The following MCPH1 variants were observed in gnomAD, a reference collection of about 807,000 sequenced individuals.
MCPH1 encodes microcephalin.
In MCPH1, 104 loss-of-function variants were observed where a neutral mutation model predicts 84.5. The observed-to-expected ratio is 1.23, with a 90% CI of 1.05 to 1.45. The LOEUF (loss-of-function observed/expected upper bound fraction) is 1.45, where lower values mean the gene tolerates loss of function less well. MCPH1 is among the 40% of genes most tolerant of loss of function. The probability of loss-of-function intolerance (pLI) is 0.00; values close to 1 mark genes in which losing one functional copy is unlikely to be tolerated. For missense variants in MCPH1, 1,498 were observed against 1,005.7 expected (o/e 1.49, Z -6.62); for synonymous variants, 514 against 366.8 (o/e 1.40, Z -4.58).
intron 12 of MCPH1, among the ~76,000 whole-genome samples, chr8:6,604,472 G>A (rs1476127849): frequency 6.6e-6 from 1 of 152,214 alleles, no homozygotes; most frequent in African/African-American, 2.4e-5. Context: ...AGTGGAATGT[G>A]AGAGCACATG....
intron 12 of MCPH1, among the ~76,000 whole-genome samples, chr8:6,510,709 A>G (rs914194166): frequency 5.9e-5 from 9 of 152,230 alleles, no homozygotes; most frequent in Non-Finnish European, 1.2e-4. Flanking sequence ...CCGTGTTTCA[A>G]CACTGGTGCA....
chr8:6,467,652 G>C (rs778151420), intron 9 of MCPH1, among the ~76,000 whole-genome samples: 1 of 152,094 alleles, frequency 6.6e-6, no homozygotes, highest in East Asian at 1.9e-4. Context: ...CTGGAGTGCC[G>C]TGGCGAGATC....
At chr8:6,413,508 A>G (rs1297478937) in intron 2 of MCPH1, among the ~76,000 whole-genome samples, 1 of 151,276 alleles carries the variant, frequency 6.6e-6, no homozygotes, top group Non-Finnish European at 1.5e-5. Context: ...GTATTCCTGT[A>G]TTCTTTAACT....
chr8:6,590,204 AC>A (rs67409170), intron 12 of MCPH1, among the ~76,000 whole-genome samples: 56,909 of 142,578 alleles, frequency 0.4, 10,853 homozygotes, highest in South Asian at 0.51. Context: ...TAAGTGAACA[AC>A]AAAAAAAAAA....
At chr8:6,590,493 A>C (rs1214231070) in intron 12 of MCPH1, among the ~76,000 whole-genome samples, 1 of 152,148 alleles carries the variant, frequency 6.6e-6, no homozygotes, top group East Asian at 1.9e-4. Context: ...CTCATGTCAG[A>C]TGCCCCTCGG....
Position 6,466,644 on chromosome 8 carries a change from G to C in MCPH1, c.1936-10950G>C, listed in dbSNP as rs537392354. On this transcript the variant is annotated intron_variant, in intron 9 of 13. Coordinates refer to ENST00000344683, the MANE Select transcript of MCPH1 (RefSeq NM_024596.5). ...TTTAGTAGAGACAGGGTTTCACCGT[G>C]TTGGCCAGGATGGTCCGATCTCCTG... Among the ~76,000 whole-genome samples, 17 of 151,654 alleles carry C rather than the reference G, an allele frequency of 1.1e-4. No individual in the cohort carries two copies. In the East Asian group the frequency reaches 3.3e-3, roughly 30 times the overall value.
In MCPH1 at chr8:6,436,038, T is replaced by C; in HGVS notation, c.322-10T>C. ...AGTACAGCATTAATTTTTGTGTTCT[T>C]TTTGCACAGCGTAAATGTATGCAGC... On this transcript the variant is annotated splice_polypyrimidine_tract_variant and intron_variant, in intron 4 of 13. Transcript: ENST00000344683. 6.2e-7 allele frequency: 1 copy of C among 1,613,172 alleles called. No individual in the cohort carries two copies. Among genetic ancestry groups the C allele is most frequent in the Non-Finnish European group, 8.5e-7 (1 of 1,179,548 alleles).
At chr8:6,546,552 T>A (rs1465131724) in intron 12 of MCPH1, among the ~76,000 whole-genome samples, 1 of 152,116 alleles carries the variant, frequency 6.6e-6, no homozygotes, top group Non-Finnish European at 1.5e-5. Context: ...TTTTTAAAAC[T>A]CAATTTATAT....
chr8:6,469,933 G>A (rs965483347), intron 9 of MCPH1, among the ~76,000 whole-genome samples: 5 of 152,056 alleles, frequency 3.3e-5, no homozygotes, highest in African/African-American at 1.2e-4. Context: ...CTCACTGGTC[G>A]TTGGATTCTT....
intron 12 of MCPH1, among the ~76,000 whole-genome samples, chr8:6,573,811 G>A (rs1019142414): frequency 1.3e-5 from 2 of 152,030 alleles, no homozygotes; most frequent in African/African-American, 2.4e-5. Context: ...ACTAAAAGAG[G>A]GGAGCCCATC....
rs1021778687 is a variant in MCPH1 at position 6,536,815 on chromosome 8, A to G, written c.2214+36886A>G. Among the ~76,000 whole-genome samples, 6 of 152,108 alleles carry G rather than the reference A, an allele frequency of 3.9e-5. No individual in the cohort carries two copies. In the East Asian group the frequency reaches 1.2e-3, roughly 29 times the overall value. ...GACCTTGAAATTTCCCTGTCTCTTG[A>G]CCTTGATGAATTAGTTATTTTCTAG... On this transcript the variant is annotated intron_variant, in intron 12 of 13. Transcript: ENST00000344683.
chr8:6,568,233 G>GTGTGGA (rs1826364675), intron 12 of MCPH1, among the ~76,000 whole-genome samples: 1 of 148,502 alleles, frequency 6.7e-6, no homozygotes, highest in African/African-American at 2.6e-5. Flanking sequence ...AGTGGGTGGC[G>GTGTGGA]CGTGGACCCA....
chr8:6,468,725 G>C (rs150701483), intron 9 of MCPH1, among the ~76,000 whole-genome samples: 1 of 150,302 alleles, frequency 6.7e-6, no homozygotes, highest in African/African-American at 2.5e-5. Flanking sequence ...TACTGGTGCT[G>C]TATGGATCAC....
intron 3 of MCPH1, among the ~76,000 whole-genome samples, chr8:6,415,789 G>A (rs1799195275): frequency 6.6e-6 from 1 of 152,310 alleles, no homozygotes; most frequent in South Asian, 2.1e-4. Flanking sequence ...TGGCTGTCTT[G>A]ATTGGGTTCC....
intron 13 of MCPH1, chr8:6,626,464 T>TTTTTG (rs1399259836): frequency 2.0e-6 from 2 of 976,402 alleles, no homozygotes; most frequent in South Asian, 4.8e-5. Context: ...TTGTTTGGTT[T>TTTTTG]TTTTGTTTTG....
chr8:6,464,514 G>A (rs1806638061), intron 9 of MCPH1, among the ~76,000 whole-genome samples: 1 of 152,220 alleles, frequency 6.6e-6, no homozygotes, highest in Admixed American at 6.5e-5. Flanking sequence ...CATTGTAAAT[G>A]TGTGGTTCAG....
intron 13 of MCPH1, among the ~76,000 whole-genome samples, chr8:6,639,114 TC>T (rs1420781620): frequency 3.3e-5 from 5 of 152,126 alleles, no homozygotes; most frequent in Non-Finnish European, 5.9e-5. Flanking sequence ...GCAGCCTTTA[TC>T]CCCACCACGA....
intron 12 of MCPH1, among the ~76,000 whole-genome samples, chr8:6,550,052 T>C (rs1156334628): frequency 6.6e-6 from 1 of 152,196 alleles, no homozygotes; most frequent in East Asian, 1.9e-4. Flanking sequence ...GTGCCTGCTG[T>C]CAGCACTGAT....
intron 12 of MCPH1, among the ~76,000 whole-genome samples, chr8:6,544,547 G>C (rs954060269): frequency 6.6e-6 from 1 of 152,162 alleles, no homozygotes; most frequent in Admixed American, 6.5e-5. Flanking sequence ...TTCGGAGAGA[G>C]TTTGTCGAAG....
Sources: gnomAD v4.1 joint callset for allele counts (sites outside exome capture counted in the v4.1 genomes callset) on GRCh38, gnomAD v4.1.1 for gene constraint, MANE v1.5 for transcripts, NCBI Gene and HGNC (gene_info 2026-07-23, HGNC 2026-07-21) for gene names.